Variants in ATP9B observed in about 807,000 individuals in gnomAD.
The protein encoded by ATP9B is ATPase phospholipid transporting 9B.
ATP9B carries 110 observed loss-of-function variants against 146.1 expected under a neutral mutation model. That is an observed-to-expected ratio of 0.75 (90% CI 0.65 to 0.88). The LOEUF is 0.88. Among genes scored for constraint, ATP9B ranks in the 40% least tolerant of loss-of-function variants. The probability of loss-of-function intolerance (pLI) is 0.00; values close to 1 mark genes in which losing one functional copy is unlikely to be tolerated. For synonymous variants in ATP9B, 604 were observed against 569.7 expected, an observed-to-expected ratio of 1.06 and a Z score of -0.86; for missense variants, 1,499 against 1,496.4, an observed-to-expected ratio of 1.00 and a Z score of -0.03.
chr18:79,265,351 G>T (rs1345518875), intron 12 of ATP9B, among the ~76,000 whole-genome samples: 1 of 152,060 alleles, frequency 6.6e-6, no homozygotes, highest in Non-Finnish European at 1.5e-5. Flanking sequence ...ATTCCTTGTT[G>T]GTTGGGCTGG....
intron 1 of ATP9B, among the ~76,000 whole-genome samples, chr18:79,070,245 A>G (rs1599268176): frequency 6.6e-6 from 1 of 152,248 alleles, no homozygotes; most frequent in East Asian, 1.9e-4. Context: ...TTTATTCCAG[A>G]GGAATTGTCG....
At chr18:79,260,846 G>A (rs763588157) in intron 12 of ATP9B, among the ~76,000 whole-genome samples, 5 of 152,220 alleles carry the variant, frequency 3.3e-5, no homozygotes, top group Admixed American at 6.5e-5. Flanking sequence ...CTCAGCTCTC[G>A]AAACTTAACA....
intron 8 of ATP9B, among the ~76,000 whole-genome samples, chr18:79,180,747 G>A (rs1454864329): frequency 6.6e-6 from 1 of 151,780 alleles, no homozygotes; most frequent in Admixed American, 6.6e-5. Flanking sequence ...GCTAGAGATT[G>A]TCAGTTTTTG....
chr18:79,113,478 A>G (rs1221534083), intron 4 of ATP9B, 124 bp downstream of exon 4: 7 of 617,126 alleles, frequency 1.1e-5, no homozygotes, highest in Non-Finnish European at 1.6e-5. Context: ...TGTTCACTGA[A>G]CTTCTGTTAA....
chr18:79,108,601 T>TG (rs1278199556), intron 2 of ATP9B, among the ~76,000 whole-genome samples: 1 of 152,002 alleles, frequency 6.6e-6, no homozygotes, highest in Non-Finnish European at 1.5e-5. Context: ...AGAATAAGGG[T>TG]GGGGGGAGCT....
chr18:79,223,494 G>A (rs2095700738), intron 11 of ATP9B, among the ~76,000 whole-genome samples: 2 of 152,154 alleles, frequency 1.3e-5, no homozygotes, highest in African/African-American at 4.8e-5. Context: ...CATATTAGTA[G>A]TATTGCAGTA....
rs2096899356 is a variant in ATP9B, at chr18:79,347,935, C to T, written c.2838+10C>T. The stretch of plus-strand genomic sequence containing the variant: ...CATCTCCACCATGCAGGTACTAAGC[C>T]TTCTGTGCTGGCACCCATGGAGGGC... On this transcript the variant is annotated intron_variant, in intron 24 of 29. Coordinates refer to ENST00000426216, the MANE Select transcript of ATP9B (RefSeq NM_198531.5). 1 of 1,611,562 alleles carries T rather than the reference C, an allele frequency of 6.2e-7. No individual in the cohort carries two copies. The highest frequency in any genetic ancestry group is 1.3e-5 in the African/African-American group (1 of 74,976).
intron 2 of ATP9B, among the ~76,000 whole-genome samples, chr18:79,104,825 C>A (rs1025986210): frequency 6.6e-6 from 1 of 151,972 alleles, no homozygotes; most frequent in Non-Finnish European, 1.5e-5. Context: ...CCCACAGCAG[C>A]CTTGACCTCC....
intron 10 of ATP9B, among the ~76,000 whole-genome samples, chr18:79,208,928 C>T (rs1402816439): frequency 6.6e-6 from 1 of 152,160 alleles, no homozygotes; most frequent in Non-Finnish European, 1.5e-5. Flanking sequence ...GCCCTGAGCT[C>T]TGTAAGGGTC....
intron 11 of ATP9B, among the ~76,000 whole-genome samples, chr18:79,218,588 G>A (rs1408150628): frequency 3.3e-5 from 5 of 151,904 alleles, no homozygotes; most frequent in South Asian, 4.2e-4. Context: ...TGTTTTCCTC[G>A]TGTTCCGGGT....
chr18:79,177,324 C>T (rs957433804), intron 8 of ATP9B, among the ~76,000 whole-genome samples: 2 of 152,154 alleles, frequency 1.3e-5, no homozygotes, highest in African/African-American at 2.4e-5. Flanking sequence ...CAGCCTCAAA[C>T]GCCTGGGCTC....
chr18:79,113,178 T>C (rs538085300), intron 3 of ATP9B, 63 bp from the exon 4 acceptor site: 32 of 798,572 alleles, frequency 4.0e-5, no homozygotes, highest in Non-Finnish European at 6.1e-5. Context: ...TTTAATTGTT[T>C]AATTTAGGTA....
chr18:79,236,789 C>T (rs112628567), intron 11 of ATP9B, among the ~76,000 whole-genome samples: 1 of 149,222 alleles, frequency 6.7e-6, no homozygotes, highest in African/African-American at 2.5e-5. Context: ...ACACCTGCCC[C>T]TTCCCCACTG....
intron 3 of ATP9B, among the ~76,000 whole-genome samples, chr18:79,112,393 C>T (rs551390805): frequency 3.3e-5 from 5 of 152,106 alleles, no homozygotes; most frequent in Non-Finnish European, 7.4e-5. Flanking sequence ...AAATTGAGAT[C>T]TATTAATATG....
At chr18:79,171,419 A>C (rs1735522287) in intron 7 of ATP9B, among the ~76,000 whole-genome samples, 1 of 152,182 alleles carries the variant, frequency 6.6e-6, no homozygotes, top group Non-Finnish European at 1.5e-5. Context: ...TAGCAACCTA[A>C]ATTGAGAGCT....
intron 2 of ATP9B, among the ~76,000 whole-genome samples, chr18:79,108,521 G>A (rs2075801802): frequency 6.6e-6 from 1 of 152,190 alleles, no homozygotes; most frequent in African/African-American, 2.4e-5. Flanking sequence ...TGTTTCAAAA[G>A]TGCTGATGGC....
intron 11 of ATP9B, among the ~76,000 whole-genome samples, chr18:79,245,314 T>C (rs907525895): frequency 1.3e-5 from 2 of 152,202 alleles, no homozygotes; most frequent in Non-Finnish European, 2.9e-5. Flanking sequence ...TGATGTTGCA[T>C]GTTGAGGTTT....
chr18:79,071,049 C>CTTTTTTTTTTTTTTTTTTTTTTT (rs746689031), intron 1 of ATP9B, among the ~76,000 whole-genome samples: 2 of 112,396 alleles, frequency 1.8e-5, no homozygotes, highest in Non-Finnish European at 3.6e-5. Context: ...ATTCCTGTTT[C>CTTTTTTTTTTTTTTTTTTTTTTT]TTTTTTTTTT....
intron 6 of ATP9B, among the ~76,000 whole-genome samples, chr18:79,153,101 A>G (rs1264996961): frequency 6.6e-6 from 1 of 152,194 alleles, no homozygotes; most frequent in African/African-American, 2.4e-5. Context: ...CTATCCAATA[A>G]CATAGCTTTC....
Sources: gnomAD v4.1 joint callset for allele counts (sites outside exome capture counted in the v4.1 genomes callset) on GRCh38, gnomAD v4.1.1 for gene constraint, MANE v1.5 for transcripts, NCBI Gene and HGNC (gene_info 2026-07-23, HGNC 2026-07-21) for gene names.